The following FAM53A variants were observed in gnomAD, a reference collection of about 807,000 sequenced individuals.
FAM53A encodes the protein protein FAM53A.
In FAM53A, 28 loss-of-function variants were observed where a neutral mutation model predicts 26.6. The observed-to-expected ratio is 1.05, with a 90% CI of 0.78 to 1.45. The LOEUF is 1.45. Ranked by LOEUF, FAM53A falls within the 40% of genes most tolerant of loss-of-function variation. The pLI is 0.00. For missense variants in FAM53A, 650 were observed against 575.8 expected (o/e 1.13, Z -1.32); for synonymous variants, 290 against 253.1 (o/e 1.15, Z -1.38).
At chr4:1,673,157 A>G (rs570374411) in intron 1 of FAM53A, among the ~76,000 whole-genome samples, 1 of 152,308 alleles carries the variant, frequency 6.6e-6, no homozygotes, top group South Asian at 2.1e-4. Flanking sequence ...AGAGATCTTC[A>G]GAAGCATGGA....
At chr4:1,668,530 A>T in intron 2 of FAM53A, 137 bp downstream of exon 2, 1 of 819,792 alleles carries the variant, frequency 1.2e-6, no homozygotes, top group Non-Finnish European at 1.9e-6. Context: ...TGTGCACCAG[A>T]CACCCCCATC....
intron 4 of FAM53A, among the ~76,000 whole-genome samples, chr4:1,646,885 A>G (rs1712296678): frequency 6.6e-6 from 1 of 152,224 alleles, no homozygotes; most frequent in African/African-American, 2.4e-5. Flanking sequence ...CTACGTGGCA[A>G]AAGCTTTTCA....
At chr4:1,603,186 A>G in the FAM53A span, among the ~76,000 whole-genome samples, 78 of 152,232 alleles carry the variant, frequency 5.1e-4, no homozygotes, top group African/African-American at 1.8e-3. Context: ...GTTTCCTTGG[A>G]TAAGACATGG....
the FAM53A span, among the ~76,000 whole-genome samples, chr4:1,596,640 C>T: frequency 6.6e-6 from 1 of 152,226 alleles, no homozygotes; most frequent in African/African-American, 2.4e-5. Context: ...GGGACTGGCT[C>T]TTTCACTCAC....
the FAM53A span, among the ~76,000 whole-genome samples, chr4:1,607,119 G>A: frequency 0.82 from 124,462 of 152,178 alleles, 51,063 homozygotes; most frequent in Admixed American, 0.86. Flanking sequence ...CCCGTGTTCA[G>A]GCGATTCTCC....
the FAM53A span, among the ~76,000 whole-genome samples, chr4:1,585,432 G>A: frequency 3.5e-3 from 537 of 152,026 alleles, no homozygotes; most frequent in African/African-American, 0.011. Flanking sequence ...GATTACAGGC[G>A]CATGCCACCA....
intron 4 of FAM53A, 64 bp from the exon 5 acceptor site, chr4:1,641,671 C>CCAA: frequency 6.4e-7 from 1 of 1,564,694 alleles, no homozygotes; most frequent in Non-Finnish European, 8.8e-7. Flanking sequence ...CAGCATCCCA[C>CCAA]CAACCCATCG....
Position 1,630,979 on chromosome 4 carries a change from A to G in FAM53A, c.432-12868T>C, listed in dbSNP as rs553256224. 6.6e-6 allele frequency among the ~76,000 whole-genome samples: 1 copy of G among 152,294 alleles called. No individual in the cohort carries two copies. Among genetic ancestry groups the G allele is most frequent in the East Asian group, 1.9e-4 (1 of 5,184 alleles). The stretch of plus-strand genomic sequence containing the variant: ...GACTGTTTGAGCCCCAGAGGTCAAG[A>G]CTGCAGTGAGCCATGATCACACCAC... On this transcript the variant is annotated intron_variant, in intron 1 of 1. Transcript: ENST00000489029. The surrounding 1 kb of genome is among the most constrained non-coding windows in gnomAD (Gnocchi z 4.3).
At chr4:1,666,482 G>A (rs1275422810) in intron 2 of FAM53A, among the ~76,000 whole-genome samples, 1 of 152,128 alleles carries the variant, frequency 6.6e-6, no homozygotes, top group Non-Finnish European at 1.5e-5. Flanking sequence ...CACAGAGGTC[G>A]TGGGGGCCCG....
chr4:1,617,937 C>A (rs994478369), exon 2 of FAM53A: 23 of 421,584 alleles, frequency 5.5e-5, no homozygotes, highest in Non-Finnish European at 9.7e-5. Flanking sequence ...GCAACTCCTT[C>A]ACCAAGAGAG....
In FAM53A at chr4:1,682,264, CTT is replaced by C. The variant is rs3993306; in HGVS notation, c.-165+1967_-165+1968del. On this transcript the variant is annotated intron_variant, in intron 1 of 4. Transcript: ENST00000308132. Reference sequence around the variant, plus strand: ...AGTTTATATAAAAATTTTTAATTTCCTTTTTTTTTTTTTTTTTGAGACAGAGT... The same window carrying C: ...AGTTTATATAAAAATTTTTAATTTCCTTTTTTTTTTTTTTTGAGACAGAGT... 6.5e-3 allele frequency among the ~76,000 whole-genome samples: 843 copies of C among 130,260 alleles called. 9 individuals carry two copies. The highest frequency in any genetic ancestry group is 0.023 in the African/African-American group (783 of 34,610). The allele number at this position is 130,260 out of a possible 152,430, so 85.5% of individuals were successfully genotyped here.
At chr4:1,574,860 C>T in the FAM53A span, among the ~76,000 whole-genome samples, 22 of 152,260 alleles carry the variant, frequency 1.4e-4, no homozygotes, top group East Asian at 5.8e-4. Context: ...CCTCCCCGGA[C>T]GGACCGGCTG....
rs1404340887 is a variant in FAM53A at position 1,659,210 on chromosome 4, G to C, written c.76-1742C>G. On this transcript the variant is annotated intron_variant, in intron 2 of 4. Coordinates refer to ENST00000308132, the MANE Select transcript of FAM53A (RefSeq NM_001174070.3). The surrounding 1 kb of genome is among the most constrained non-coding windows in gnomAD (Gnocchi z 5.2). ...CCTGGTGCGGGCCCGGGAACCACAC[G>C]ACCTCCAGGTTCTCCCACCCCGGGA... Among the ~76,000 whole-genome samples the C allele has an allele frequency of 1.3e-5, 2 of 152,262 alleles. 1 individual carries two copies. The highest frequency in any genetic ancestry group is 2.9e-5 in the Non-Finnish European group (2 of 68,000).
intron 1 of FAM53A, among the ~76,000 whole-genome samples, chr4:1,629,192 G>C (rs1715498789): frequency 6.6e-6 from 1 of 152,026 alleles, no homozygotes; most frequent in Non-Finnish European, 1.5e-5. Context: ...CATGGTGGAG[G>C]GAGCCCCATC....
chr4:1,587,613 A>T, the FAM53A span, among the ~76,000 whole-genome samples: 2 of 152,312 alleles, frequency 1.3e-5, no homozygotes, highest in African/African-American at 4.8e-5. Flanking sequence ...CAGAAGTTGC[A>T]GTGAGCTGAG....
At chr4:1,646,278 T>G (rs1439715644) in intron 4 of FAM53A, among the ~76,000 whole-genome samples, 1 of 152,120 alleles carries the variant, frequency 6.6e-6, no homozygotes, top group Non-Finnish European at 1.5e-5. Context: ...TTTTTGTATT[T>G]TTAGTAGAGA....
the FAM53A span, among the ~76,000 whole-genome samples, chr4:1,586,571 C>T: frequency 2.6e-5 from 4 of 151,616 alleles, no homozygotes; most frequent in Admixed American, 6.6e-5. Context: ...GTCAGAAGAT[C>T]GAGACCATCC....
chr4:1,607,671 T>G, the FAM53A span, among the ~76,000 whole-genome samples: 1 of 152,146 alleles, frequency 6.6e-6, no homozygotes, highest in Admixed American at 6.5e-5. Flanking sequence ...CCGGGTGCAG[T>G]GGCTCACACC....
chr4:1,636,885 G>GGT (rs113116147), downstream of FAM53A, among the ~76,000 whole-genome samples: 9 of 89,840 alleles, frequency 1.0e-4, no homozygotes. Context: ...TGCTCTTGCT[G>GGT]GGGGGGGGTC....
Sources: gnomAD v4.1 joint callset for allele counts (sites outside exome capture counted in the v4.1 genomes callset) on GRCh38, gnomAD v4.1.1 for gene constraint, Gnocchi (gnomAD v3.1) non-coding constraint, MANE v1.5 for transcripts, NCBI Gene and HGNC (gene_info 2026-07-23, HGNC 2026-07-21) for gene names.